The following CLEC16A variants were observed in gnomAD, a reference collection of about 807,000 sequenced individuals.
CLEC16A encodes C-type lectin domain containing 16A, also known as protein CLEC16A.
A neutral mutation model predicts 109.5 loss-of-function variants in CLEC16A; 51 were observed. That is an observed-to-expected ratio of 0.47 (90% confidence interval 0.37 to 0.59). The LOEUF is 0.59. Ranked by LOEUF, CLEC16A falls within the 20% of genes least tolerant of loss-of-function variation. The pLI, the probability that CLEC16A is intolerant of heterozygous loss-of-function variation, is 0.00. For synonymous variants in CLEC16A, 673 were observed against 564.2 expected, an observed-to-expected ratio of 1.19 and a Z score of -2.73; for missense variants, 1,339 against 1,394.0, an observed-to-expected ratio of 0.96 and a Z score of 0.63.
At chr16:11,076,448 C>G (rs1303793971) in intron 19 of CLEC16A, among the ~76,000 whole-genome samples, 1 of 152,128 alleles carries the variant, frequency 6.6e-6, no homozygotes, top group Non-Finnish European at 1.5e-5. Flanking sequence ...CGTTGAGTTT[C>G]AAGACATCCC....
chr16:11,139,024 C>T (rs1300594091), intron 22 of CLEC16A, among the ~76,000 whole-genome samples: 12 of 151,998 alleles, frequency 7.9e-5, no homozygotes, highest in African/African-American at 2.9e-4. Flanking sequence ...TAGCTTAAGG[C>T]AAAATCTTAA....
intron 1 of CLEC16A, among the ~76,000 whole-genome samples, chr16:10,948,185 A>ACG (rs1443243071): frequency 7.9e-5 from 12 of 152,234 alleles, no homozygotes; most frequent in South Asian, 4.1e-4. Context: ...GAGCCACTGC[A>ACG]CCCGGCCTAG....
intron 22 of CLEC16A, among the ~76,000 whole-genome samples, chr16:11,159,383 T>C (rs1303710690): frequency 1.3e-5 from 2 of 152,218 alleles, no homozygotes. Context: ...CTCCAGCCCC[T>C]CCTCATTACA....
chr16:11,008,719 G>A (rs989340607), intron 11 of CLEC16A, among the ~76,000 whole-genome samples: 8 of 151,452 alleles, frequency 5.3e-5, no homozygotes, highest in Non-Finnish European at 7.4e-5. Flanking sequence ...GGCTGGGTGC[G>A]GTGGTTCACG....
At chr16:11,142,891 A>C (rs1438844170) in intron 22 of CLEC16A, among the ~76,000 whole-genome samples, 1 of 151,990 alleles carries the variant, frequency 6.6e-6, no homozygotes, top group Non-Finnish European at 1.5e-5. Context: ...GCTCACTGCA[A>C]CCTCCGCCCC....
chr16:11,102,716 C>CT (rs1382082925), intron 19 of CLEC16A, among the ~76,000 whole-genome samples: 5 of 152,368 alleles, frequency 3.3e-5, no homozygotes, highest in Non-Finnish European at 7.3e-5. Context: ...CAGGCCCCTT[C>CT]TCCATCTCAG....
At chr16:10,962,425 G>C (rs746074749) in intron 2 of CLEC16A, 30 bp from the exon 3 acceptor site, 1 of 1,613,652 alleles carries the variant, frequency 6.2e-7, no homozygotes, top group East Asian at 2.2e-5. Context: ...GTGGAAGCAA[G>C]CCACTGATGC....
chr16:11,143,693 G>A (rs2053938428), intron 22 of CLEC16A, among the ~76,000 whole-genome samples: 1 of 152,182 alleles, frequency 6.6e-6, no homozygotes. Flanking sequence ...GGCTCCCCTG[G>A]GTCCCCATCG....
At chr16:11,122,544 T>C (rs1213733850) in intron 20 of CLEC16A, among the ~76,000 whole-genome samples, 2 of 152,188 alleles carry the variant, frequency 1.3e-5, no homozygotes, top group Non-Finnish European at 1.5e-5. Flanking sequence ...GACTCCCTGC[T>C]TTAAATGCAG....
intron 22 of CLEC16A, among the ~76,000 whole-genome samples, chr16:11,159,028 C>T (rs1199604780): frequency 1.3e-5 from 2 of 152,024 alleles, no homozygotes; most frequent in African/African-American, 4.8e-5. Context: ...TCTTAATTTT[C>T]AAAAGGAGTA....
chr16:11,000,342 T>G (rs565682041), intron 10 of CLEC16A, among the ~76,000 whole-genome samples: 21 of 152,158 alleles, frequency 1.4e-4, no homozygotes, highest in Non-Finnish European at 2.8e-4. Context: ...ACACAGAGCT[T>G]AGGGAGGGGT....
intron 19 of CLEC16A, among the ~76,000 whole-genome samples, chr16:11,080,378 C>T (rs964172023): frequency 4.6e-5 from 7 of 152,178 alleles, no homozygotes; most frequent in Admixed American, 1.3e-4. Context: ...TCTGGGCGTC[C>T]GAGCCTTTGA....
intron 12 of CLEC16A, among the ~76,000 whole-genome samples, chr16:11,023,228 T>A (rs2046224326): frequency 6.6e-6 from 1 of 151,940 alleles, no homozygotes; most frequent in African/African-American, 2.4e-5. Context: ...CCAAGCAAAC[T>A]TTTCACCTTA....
intron 19 of CLEC16A, among the ~76,000 whole-genome samples, chr16:11,099,523 T>C (rs2050788983): frequency 6.6e-6 from 1 of 152,242 alleles, no homozygotes; most frequent in Admixed American, 6.5e-5. Flanking sequence ...AGCATGGTCG[T>C]AGGACATTTC....
chr16:11,111,255 A>G (rs2051566308), intron 19 of CLEC16A, among the ~76,000 whole-genome samples: 1 of 152,202 alleles, frequency 6.6e-6, no homozygotes, highest in African/African-American at 2.4e-5. Flanking sequence ...TAGCAAATGT[A>G]TAATTTGCCC....
chr16:10,953,442 C>T (rs946802991), intron 1 of CLEC16A, among the ~76,000 whole-genome samples: 5 of 152,318 alleles, frequency 3.3e-5, no homozygotes, highest in African/African-American at 1.2e-4. Context: ...AAAGCATTTC[C>T]TTATAACCTT....
At chr16:11,149,290 A>T (rs760015135) in intron 22 of CLEC16A, among the ~76,000 whole-genome samples, 3 of 152,194 alleles carry the variant, frequency 2.0e-5, no homozygotes, top group Non-Finnish European at 4.4e-5. Context: ...CTATTACTGC[A>T]GACCCGTTGT....
Position 10,961,008 on chromosome 16 carries a change from G to A in CLEC16A, c.210-1447G>A, listed in dbSNP as rs1382138192. On this transcript the variant is annotated intron_variant, in intron 2 of 23. Coordinates refer to ENST00000409790, the MANE Select transcript of CLEC16A (RefSeq NM_015226.3). This position sits in a 1 kb window ranked among gnomAD's most constrained non-coding sequence, Gnocchi z 4.3. ...AATGAATTGCCCACTCCCCTATGGA[G>A]TTTTAAAAAATCTAGGTTCATGGAT... Among the ~76,000 whole-genome samples, 1 of 152,100 alleles carries A rather than the reference G, an allele frequency of 6.6e-6. No individual in the cohort carries two copies. Among genetic ancestry groups the A allele is most frequent in the Non-Finnish European group, 1.5e-5 (1 of 68,026 alleles).
intron 19 of CLEC16A, among the ~76,000 whole-genome samples, chr16:11,084,094 A>C (rs1243921171): frequency 1.3e-5 from 2 of 151,906 alleles, no homozygotes. Context: ...GGATGTACCC[A>C]TACCACCCCT....
Sources: allele counts gnomAD v4.1 joint callset (sites outside exome capture counted in the v4.1 genomes callset), GRCh38; gene constraint gnomAD v4.1.1; non-coding constraint Gnocchi (gnomAD v3.1); transcripts MANE v1.5; gene names NCBI Gene and HGNC (gene_info 2026-07-23, HGNC 2026-07-21).